PRKDC: variants seen among roughly 807,000 people sequenced by gnomAD.
PRKDC encodes the protein DNA-dependent protein kinase catalytic subunit.
A neutral mutation model predicts 486.9 loss-of-function variants in PRKDC; 82 were observed. That is an observed-to-expected ratio of 0.17 (90% CI 0.14 to 0.20). The LOEUF is 0.20. PRKDC is among the 10% of genes least tolerant of loss of function. The pLI is 1.00. For synonymous variants in PRKDC, 1,895 were observed against 1,837.0 expected (o/e 1.03, Z -0.81); for missense variants, 4,504 against 5,038.2 (o/e 0.89, Z 3.21).
chr8:47,834,212 C>CAGCTT lies in PRKDC; in HGVS notation c.8135_8136insAAGCT (p.Asp2713SerfsTer6). Reference sequence around the variant, plus strand: ...CCAGCTTACCTTTCACTTTGTTATCCACCTCGTCCCCTGGAAGGCCCAGCC... The same window carrying CAGCTT: ...CCAGCTTACCTTTCACTTTGTTATCCAGCTTACCTCGTCCCCTGGAAGGCCCAGCC... On this transcript the variant is annotated frameshift_variant, in exon 59 of 86. Coordinates refer to ENST00000314191, the MANE Select transcript of PRKDC (RefSeq NM_006904.7). LOFTEE classifies it high-confidence loss of function. 1 of 1,613,994 alleles carries CAGCTT rather than the reference C, an allele frequency of 6.2e-7. No individual in the cohort carries two copies. Among genetic ancestry groups the CAGCTT allele is most frequent in the Non-Finnish European group, 8.5e-7 (1 of 1,179,876 alleles).
chr8:47,866,585 TA>T (rs1435206204), intron 40 of PRKDC, among the ~76,000 whole-genome samples: 10 of 152,148 alleles, frequency 6.6e-5, no homozygotes, highest in Non-Finnish European at 1.0e-4. Flanking sequence ...ATTAAATATA[TA>T]AAAATATGCC....
chr8:47,775,880 T>C (rs2086600442), intron 85 of PRKDC, among the ~76,000 whole-genome samples: 1 of 150,908 alleles, frequency 6.6e-6, no homozygotes, highest in African/African-American at 2.4e-5. Flanking sequence ...TGGAGTACAG[T>C]GGTGCCATCT....
chr8:47,874,166 G>T (rs2089033726), intron 40 of PRKDC, among the ~76,000 whole-genome samples: 1 of 151,632 alleles, frequency 6.6e-6, no homozygotes, highest in Non-Finnish European at 1.5e-5. Flanking sequence ...AGCCAGGATG[G>T]TCTCGATCTC....
rs145553159 is a variant in PRKDC, at chr8:47,900,587, T to C, written c.3270-120A>G. The C allele has an allele frequency of 6.5e-3, 5,690 of 876,660 alleles. 231 individuals are homozygous for C. The African/African-American group carries it at 0.084, about 13-fold the overall frequency. 54.3% of individuals were successfully genotyped at this position (876,660 alleles called of 1,614,324 possible). A position where few individuals can be genotyped will look rare whatever the true frequency, so the allele number is the denominator to read the frequency against. ...ATTAAATTTGTTTTTTGTGGCCGGG[T>C]GCGGTGGCTCACGCCTGTAATCCCA... On this transcript the variant is annotated intron_variant, in intron 27 of 85. Coordinates refer to ENST00000314191, the MANE Select transcript of PRKDC (RefSeq NM_006904.7).
At position 47,927,242 on chromosome 8, in the gene PRKDC, C is replaced by T; in HGVS notation, c.2371G>A (p.Asp791Asn). ...TATCCATCCAGGCAGGGGAGAATGT[C>T]TTTGTAATAAGGCTGCATTACATGT... Reference protein sequence around the residue: ...DRHVMQPYYKDILPCLDGYLK... With the variant: ...DRHVMQPYYKNILPCLDGYLK... The change falls in exon 21 of 86, where the codon GAC becomes AAC. Residue 791 changes from aspartate to asparagine, a missense_variant. Physicochemically the swap from Asp to Asn is conservative, Grantham distance 23. Transcript: ENST00000314191. The T allele has an allele frequency of 6.2e-7, 1 of 1,613,792 alleles. No individual in the cohort carries two copies. Among genetic ancestry groups the T allele is most frequent in the South Asian group, 1.1e-5 (1 of 91,052 alleles).
At chr8:47,938,449 A>G (rs1372043262) in intron 11 of PRKDC, among the ~76,000 whole-genome samples, 1 of 151,964 alleles carries the variant, frequency 6.6e-6, no homozygotes, top group Non-Finnish European at 1.5e-5. Flanking sequence ...AAAAGAAAGA[A>G]GAAAAAAAGG....
At chr8:47,799,063 G>T in intron 72 of PRKDC, 147 bp downstream of exon 72, 1 of 1,061,846 alleles carries the variant, frequency 9.4e-7, no homozygotes, top group Non-Finnish European at 1.3e-6. Context: ...CACTGCACCC[G>T]GCTGCCATTG....
chr8:47,843,060 G>A (rs924235964), intron 54 of PRKDC, among the ~76,000 whole-genome samples: 2 of 152,166 alleles, frequency 1.3e-5, no homozygotes, highest in South Asian at 4.1e-4. Context: ...AGCTCCTCAG[G>A]AGACTGAGAT....
At chr8:47,781,720 C>T (rs1173613788) in intron 80 of PRKDC, among the ~76,000 whole-genome samples, 9 of 152,204 alleles carry the variant, frequency 5.9e-5, no homozygotes, top group Middle Eastern at 3.4e-3. Context: ...TCCCAGCTAC[C>T]CCACTTTACA....
chr8:47,907,127 G>A (rs1301234828), intron 25 of PRKDC, among the ~76,000 whole-genome samples: 1 of 150,610 alleles, frequency 6.6e-6, no homozygotes, highest in African/African-American at 2.4e-5. Context: ...TGCAAGCTCC[G>A]CCTCCCGGGT....
chr8:47,915,970 G>A (rs540195425), intron 22 of PRKDC, among the ~76,000 whole-genome samples: 8 of 152,352 alleles, frequency 5.3e-5, no homozygotes, highest in Non-Finnish European at 1.0e-4. Context: ...ACTCTACTAT[G>A]TTAAAATCCA....
Position 47,887,356 on chromosome 8 carries a change from G to T in PRKDC, c.4572+191C>A, listed in dbSNP as rs536411355. Among the ~76,000 whole-genome samples the T allele has an allele frequency of 4.6e-5, 7 of 152,096 alleles. No homozygotes were observed. The South Asian group carries it at 1.5e-3, about 32-fold the overall frequency. The stretch of plus-strand genomic sequence containing the variant: ...AAAACCTCTATTTAAAAAGAATGTT[G>T]TTCTATTCCGTTCTTTTTTTTTTTA... On this transcript the variant is annotated intron_variant, in intron 35 of 85. Coordinates refer to ENST00000314191, the MANE Select transcript of PRKDC (RefSeq NM_006904.7).
intron 68 of PRKDC, among the ~76,000 whole-genome samples, chr8:47,811,013 T>A (rs1013718265): frequency 2.0e-5 from 3 of 152,098 alleles, no homozygotes; most frequent in African/African-American, 7.2e-5. Context: ...CAAAAAGCAT[T>A]TGAAGAAACA....
intron 23 of PRKDC, among the ~76,000 whole-genome samples, chr8:47,914,386 G>A (rs114460832): frequency 0.026 from 3,917 of 152,130 alleles, 148 homozygotes; most frequent in African/African-American, 0.081. Flanking sequence ...AAATCTCTTT[G>A]AAACACTTTC....
chr8:47,790,898 T>A (rs887200855), intron 74 of PRKDC, among the ~76,000 whole-genome samples: 1 of 152,054 alleles, frequency 6.6e-6, no homozygotes, highest in African/African-American at 2.4e-5. Flanking sequence ...TCTCACCACA[T>A]ACAAAAATCA....
At chr8:47,944,484 T>TAAAAAAAAAAAAAA (rs75220935) in intron 7 of PRKDC, among the ~76,000 whole-genome samples, 1 of 98,998 alleles carries the variant, frequency 1.0e-5, no homozygotes. Context: ...AGAAAAAAAT[T>TAAAAAAAAAAAAAA]AAAAAAAAAA....
intron 68 of PRKDC, among the ~76,000 whole-genome samples, chr8:47,815,838 G>A (rs1285865829): frequency 2.6e-5 from 4 of 152,172 alleles, no homozygotes; most frequent in African/African-American, 9.7e-5. Flanking sequence ...TCTCAAAGCA[G>A]CTCCTACATT....
At chr8:47,958,787 G>A (rs369628589) in intron 1 of PRKDC, among the ~76,000 whole-genome samples, 1 of 150,258 alleles carries the variant, frequency 6.7e-6, no homozygotes, top group Non-Finnish European at 1.5e-5. Flanking sequence ...CCAGGCTGGA[G>A]TGCAGTGGCA....
rs76734626 is a variant in PRKDC, at chr8:47,822,289, G to GAA, written c.8923-499_8923-498dup. On this transcript the variant is annotated intron_variant, in intron 64 of 85. Transcript: ENST00000314191. The stretch of plus-strand genomic sequence containing the variant: ...GCCTGGGTGACCCTGTTTTAAGAGA[G>GAA]AAAAAAAAAAAAAAGCCACAAAAAT... 4.0e-5 allele frequency among the ~76,000 whole-genome samples: 4 copies of GAA among 99,812 alleles called. No homozygotes were observed. In the South Asian group the frequency reaches 9.0e-4, roughly 22 times the overall value. 65.5% of individuals were successfully genotyped at this position (99,812 alleles called of 152,430 possible).
Sources: allele counts gnomAD v4.1 joint callset (sites outside exome capture counted in the v4.1 genomes callset), GRCh38; gene constraint gnomAD v4.1.1; transcripts MANE v1.5; gene names NCBI Gene and HGNC (gene_info 2026-07-23, HGNC 2026-07-21).